Variants in WDR20 observed in about 807,000 individuals in gnomAD.
The protein encoded by WDR20 is WD repeat-containing protein 20.
Under a neutral mutation model 38.7 loss-of-function variants are expected in WDR20, and 3 were observed. That is an observed-to-expected ratio of 0.08 (90% CI 0.04 to 0.20). The LOEUF (loss-of-function observed/expected upper bound fraction) is 0.20, where lower values mean the gene tolerates loss of function less well. Among genes scored for constraint, WDR20 ranks in the 10% least tolerant of loss-of-function variants. The pLI, the probability that WDR20 is intolerant of heterozygous loss-of-function variation, is 1.00. For synonymous variants in WDR20, 298 were observed against 285.6 expected (o/e 1.04, Z -0.44); for missense variants, 559 against 727.7 (o/e 0.77, Z 2.67).
At chr14:102,218,102 C>T (rs757003168), downstream of WDR20, among the ~76,000 whole-genome samples, 2 of 152,356 alleles carry the variant, frequency 1.3e-5, no homozygotes, top group East Asian at 1.9e-4. Flanking sequence ...ACTTTGTCCA[C>T]GATCTCAGGA....
At chr14:102,165,649 T>A (rs2059613847) in intron 1 of WDR20, among the ~76,000 whole-genome samples, 1 of 149,828 alleles carries the variant, frequency 6.7e-6, no homozygotes, top group Non-Finnish European at 1.5e-5. Flanking sequence ...TTTTTTTTTT[T>A]TTTTGGAGAC....
intron 2 of WDR20, among the ~76,000 whole-genome samples, chr14:102,206,957 A>G (rs953599736): frequency 6.6e-6 from 1 of 152,192 alleles, no homozygotes; most frequent in African/African-American, 2.4e-5. Flanking sequence ...ACGAAGGTCT[A>G]ATGGAAATCC....
intron 1 of WDR20, among the ~76,000 whole-genome samples, chr14:102,172,514 G>A (rs1454812470): frequency 1.8e-4 from 26 of 146,250 alleles, no homozygotes; most frequent in South Asian, 6.5e-4. Context: ...CCTCCCGGAC[G>A]GGGCGGCTGG....
At position 102,222,968 on chromosome 14, in the gene WDR20, G is replaced by C; in HGVS notation, c.*85G>C. 5 of 1,556,096 alleles carry C rather than the reference G, an allele frequency of 3.2e-6. No homozygotes were observed. The highest frequency in any genetic ancestry group is 4.4e-6 in the Non-Finnish European group (5 of 1,132,072). ...GAGCTCCGAGCTGCGCCTGAGCCGT[G>C]CCAGCCGGCGGACCTCAGGCGGTGG... On this transcript the variant is annotated 3_prime_UTR_variant, in exon 4 of 4. Transcript: ENST00000335263. The surrounding 1 kb of genome is among the most constrained non-coding windows in gnomAD (Gnocchi z 4.4).
At chr14:102,174,190 G>C (rs2061576754) in intron 1 of WDR20, among the ~76,000 whole-genome samples, 1 of 152,102 alleles carries the variant, frequency 6.6e-6, no homozygotes, top group Non-Finnish European at 1.5e-5. Flanking sequence ...TGTGAATTCT[G>C]CTGCTATAAA....
intron 2 of WDR20, among the ~76,000 whole-genome samples, chr14:102,202,411 G>A (rs1278888683): frequency 1.8e-5 from 2 of 112,352 alleles, no homozygotes; most frequent in Non-Finnish European, 3.3e-5. Context: ...ACGGAGTCTC[G>A]CTCTGTCGCC....
At chr14:102,184,896 A>G (rs1648070354) in intron 1 of WDR20, among the ~76,000 whole-genome samples, 1 of 152,186 alleles carries the variant, frequency 6.6e-6, no homozygotes. Flanking sequence ...GTCAGAGCCC[A>G]TCAGAAGCGC....
rs746438768 is a variant in WDR20, at chr14:102,200,457, A to ATTTTTTTTTTTTTTT, written c.432+5348_432+5349insTTTTTTTTTTTTTTT. On this transcript the variant is annotated intron_variant, in intron 2 of 2. Transcript: ENST00000342702. ...CAGGGGCGAGGAGTTTACTTTTTAA[A>ATTTTTTTTTTTTTTT]TTTTTTTTTTTGTGTGTGTGTGTGT... is the stretch of plus-strand genomic sequence containing the variant. Among the ~76,000 whole-genome samples the ATTTTTTTTTTTTTTT allele has an allele frequency of 8.1e-5, 9 of 111,014 alleles. No homozygotes were observed. The East Asian group carries it at 1.7e-3, about 20-fold the overall frequency. The allele number at this position is 111,014 out of a possible 152,430, so 72.8% of individuals were successfully genotyped here.
chr14:102,156,533 A>G (rs1410792155), intron 1 of WDR20, among the ~76,000 whole-genome samples: 1 of 152,030 alleles, frequency 6.6e-6, no homozygotes, highest in Non-Finnish European at 1.5e-5. Context: ...ATTTAGTATA[A>G]TACAACTGTA....
chr14:102,188,298 C>T (rs1481797147), intron 1 of WDR20, among the ~76,000 whole-genome samples: 1 of 152,078 alleles, frequency 6.6e-6, no homozygotes, highest in Non-Finnish European at 1.5e-5. Flanking sequence ...CTACTGAGGC[C>T]CACTAAGTTG....
intron 1 of WDR20, among the ~76,000 whole-genome samples, chr14:102,177,575 C>T (rs530262294): frequency 6.6e-6 from 1 of 152,230 alleles, no homozygotes; most frequent in South Asian, 2.1e-4. Flanking sequence ...CTTTTTATTG[C>T]AAGTCGACTC....
At chr14:102,192,775 C>T (rs2058728114) in intron 1 of WDR20, among the ~76,000 whole-genome samples, 1 of 152,066 alleles carries the variant, frequency 6.6e-6, no homozygotes, top group Non-Finnish European at 1.5e-5. Context: ...TATTTCAGCG[C>T]ATAATTTTAG....
intron 2 of WDR20, among the ~76,000 whole-genome samples, chr14:102,204,862 A>G (rs926374400): frequency 1.3e-5 from 2 of 152,232 alleles, no homozygotes; most frequent in African/African-American, 4.8e-5. Flanking sequence ...CACTTCCACA[A>G]TAAACCACAG....
intron 2 of WDR20, among the ~76,000 whole-genome samples, chr14:102,199,402 T>G (rs980702248): frequency 6.6e-6 from 1 of 151,896 alleles, no homozygotes; most frequent in African/African-American, 2.4e-5. Flanking sequence ...GGGGTGGTGT[T>G]GGACGGAAAG....
chr14:102,141,036 A>G (rs2050887722), intron 1 of WDR20, among the ~76,000 whole-genome samples: 1 of 152,200 alleles, frequency 6.6e-6, no homozygotes, highest in Non-Finnish European at 1.5e-5. Context: ...ATTCTGTGAA[A>G]CATGTAAGCA....
intron 1 of WDR20, among the ~76,000 whole-genome samples, chr14:102,181,836 T>G (rs1218639795): frequency 1.3e-5 from 2 of 152,172 alleles, no homozygotes; most frequent in Non-Finnish European, 2.9e-5. Flanking sequence ...ATGGTTGATT[T>G]TAGCCTTCAG....
rs758986382 is a variant in WDR20, at chr14:102,209,908, G to A, written c.*28G>A. 13 of 1,557,920 alleles carry A rather than the reference G, an allele frequency of 8.3e-6. 1 individual carries two copies. In the South Asian group the frequency reaches 1.6e-4, roughly 19 times the overall value. On this transcript the variant is annotated 3_prime_UTR_variant, in exon 3 of 3. Coordinates refer to ENST00000342702, the MANE Select transcript of WDR20 (RefSeq NM_144574.4). This position sits in a 1 kb window ranked among gnomAD's most constrained non-coding sequence, Gnocchi z 6.0. ...CTGCACCAGATCTAGAACTTGAATA[G>A]GTAGTGACTTTTTTCTTTTTCGTGG... is the stretch of plus-strand genomic sequence containing the variant.
At chr14:102,186,261 G>T (rs1314029717) in intron 1 of WDR20, among the ~76,000 whole-genome samples, 3 of 152,140 alleles carry the variant, frequency 2.0e-5, no homozygotes, top group Non-Finnish European at 4.4e-5. Flanking sequence ...ACCTGGTTTT[G>T]TGGCCCCTTC....
At chr14:102,193,034 A>T (rs2058777597) in intron 1 of WDR20, among the ~76,000 whole-genome samples, 1 of 151,016 alleles carries the variant, frequency 6.6e-6, no homozygotes, top group Admixed American at 6.6e-5. Context: ...GAATATGCTG[A>T]TACAGTAATT....
Sources: gnomAD v4.1 joint callset for allele counts (sites outside exome capture counted in the v4.1 genomes callset) on GRCh38, gnomAD v4.1.1 for gene constraint, Gnocchi (gnomAD v3.1) non-coding constraint, MANE v1.5 for transcripts, NCBI Gene and HGNC (gene_info 2026-07-23, HGNC 2026-07-21) for gene names.